BLVRA: variants seen among roughly 807,000 people sequenced by gnomAD.
The protein encoded by BLVRA is BVR A.
Under a neutral mutation model 32.8 loss-of-function variants are expected in BLVRA, and 22 were observed. The observed-to-expected ratio is 0.67, with a 90% CI of 0.48 to 0.96. The LOEUF is 0.96. Ranked by LOEUF, BLVRA falls within the 40% of genes least tolerant of loss-of-function variation. BLVRA has a pLI of 0.00. For missense variants in BLVRA, 323 were observed against 358.1 expected, an observed-to-expected ratio of 0.90 and a Z score of 0.79; for synonymous variants, 119 against 141.3, an observed-to-expected ratio of 0.84 and a Z score of 1.12.
At chr7:43,801,985 T>A (rs2095799189) in intron 6 of BLVRA, among the ~76,000 whole-genome samples, 1 of 150,546 alleles carries the variant, frequency 6.6e-6, no homozygotes, top group African/African-American at 2.4e-5. Flanking sequence ...AAAAAAAAAA[T>A]ACAAAAATTA....
chr7:43,788,136 C>T, intron 3 of BLVRA, 111 bp downstream of exon 3: 4 of 1,571,150 alleles, frequency 2.5e-6, no homozygotes, highest in Non-Finnish European at 3.5e-6. Flanking sequence ...CATCTCCCAA[C>T]TGAGAACTGT....
chr7:43,778,756 G>T (rs2095764798), intron 2 of BLVRA, among the ~76,000 whole-genome samples: 1 of 152,260 alleles, frequency 6.6e-6, no homozygotes. Flanking sequence ...TGCCCCCAGA[G>T]GTGGAGCCTA....
At chr7:43,768,087 G>C (rs1025602364) in intron 1 of BLVRA, among the ~76,000 whole-genome samples, 6 of 152,256 alleles carry the variant, frequency 3.9e-5, no homozygotes, top group African/African-American at 1.4e-4. Flanking sequence ...AACACACTCT[G>C]GCAAACATTT....
intron 7 of BLVRA, among the ~76,000 whole-genome samples, 153 bp from the exon 8 acceptor site, chr7:43,806,824 G>A (rs1486752380): frequency 1.3e-5 from 2 of 152,200 alleles, no homozygotes; most frequent in Non-Finnish European, 2.9e-5. Context: ...CTGTGAGGTT[G>A]ACACAGTCAC....
At chr7:43,778,913 G>C (rs1051246579) in intron 2 of BLVRA, among the ~76,000 whole-genome samples, 2 of 152,236 alleles carry the variant, frequency 1.3e-5, no homozygotes, top group African/African-American at 4.8e-5. Flanking sequence ...TCAGACTGCT[G>C]TGCTAGCAAT....
At chr7:43,800,407 G>T in intron 5 of BLVRA, 58 bp from the exon 6 acceptor site, 1 of 1,482,874 alleles carries the variant, frequency 6.7e-7, no homozygotes, top group Non-Finnish European at 9.4e-7. Flanking sequence ...TACCCTCTGG[G>T]ATGCACACCT....
chr7:43,788,117 A>C, intron 3 of BLVRA, 92 bp downstream of exon 3: 1 of 1,599,810 alleles, frequency 6.3e-7, no homozygotes, highest in South Asian at 1.1e-5. Context: ...GACCCAGGGC[A>C]GGGAGAGCCA....
In BLVRA at chr7:43,803,706, T is replaced by A. The variant is rs1178441471; in HGVS notation, c.491T>A (p.Phe164Tyr). Residue 164 changes from phenylalanine to tyrosine, a missense_variant, in exon 7 of 8, where the codon TTC becomes TAC. Physicochemically the swap from Phe to Tyr is conservative, Grantham distance 22. Transcript: ENST00000265523. ...AGPLEEERFGFPAFSGISRLT... is the reference protein window; with the variant it reads ...AGPLEEERFGYPAFSGISRLT... ...CCGTTGGAAGAAGAGCGGTTTGGCTTCCCTGCATTCAGCGGCATCTCTCGC... is the reference window on the plus strand; with the variant it reads ...CCGTTGGAAGAAGAGCGGTTTGGCTACCCTGCATTCAGCGGCATCTCTCGC... 5 of 1,613,972 alleles carry A rather than the reference T, an allele frequency of 3.1e-6. No individual in the cohort carries two copies.
chr7:43,790,682 T>C (rs1268246306), intron 3 of BLVRA, among the ~76,000 whole-genome samples: 1 of 152,174 alleles, frequency 6.6e-6, no homozygotes, highest in Non-Finnish European at 1.5e-5. Context: ...ATTTTTATGT[T>C]ATTTTATTTT....
intron 2 of BLVRA, among the ~76,000 whole-genome samples, chr7:43,780,841 TACCTTCTAA>T (rs1330885447): frequency 1.3e-5 from 2 of 152,270 alleles, no homozygotes; most frequent in African/African-American, 4.8e-5. Context: ...TTTGTGCAAA[TACCTTCTAA>T]ATTTATATAC....
intron 2 of BLVRA, among the ~76,000 whole-genome samples, chr7:43,786,227 T>C (rs1336951312): frequency 6.6e-6 from 1 of 152,062 alleles, no homozygotes; most frequent in Non-Finnish European, 1.5e-5. Context: ...CAACAGAAAT[T>C]GGGAATGGAT....
intron 5 of BLVRA, among the ~76,000 whole-genome samples, chr7:43,794,383 T>A (rs2095789535): frequency 6.6e-6 from 1 of 152,218 alleles, no homozygotes; most frequent in Admixed American, 6.5e-5. Flanking sequence ...TATTGCTCTC[T>A]GGTAAAGGTA....
intron 2 of BLVRA, among the ~76,000 whole-genome samples, chr7:43,780,953 C>T (rs1391006238): frequency 1.3e-5 from 2 of 152,226 alleles, no homozygotes; most frequent in East Asian, 3.9e-4. Flanking sequence ...TTGATACCAG[C>T]CTGGCCAACA....
intron 5 of BLVRA, 85 bp from the exon 6 acceptor site, chr7:43,800,380 G>T (rs1483587766): frequency 2.3e-6 from 3 of 1,303,104 alleles, no homozygotes; most frequent in Non-Finnish European, 3.3e-6. Context: ...CATGTCTTGT[G>T]TTAGGGGATG....
chr7:43,762,247 G>A (rs957046758), intron 1 of BLVRA, among the ~76,000 whole-genome samples: 2 of 151,948 alleles, frequency 1.3e-5, no homozygotes, highest in Non-Finnish European at 2.9e-5. Context: ...GGGGTAGGAA[G>A]GTGTCCTGTG....
intron 2 of BLVRA, among the ~76,000 whole-genome samples, chr7:43,773,669 G>A (rs2095757206): frequency 6.6e-6 from 1 of 152,186 alleles, no homozygotes; most frequent in South Asian, 2.1e-4. Context: ...TGGGATGGCT[G>A]GGTCAAATGG....
chr7:43,806,979 C>T lies in BLVRA; in HGVS notation c.635C>T (p.Pro212Leu), dbSNP rs762648231. 2 of 1,613,680 alleles carry T rather than the reference C, an allele frequency of 1.2e-6. No individual in the cohort carries two copies. Among genetic ancestry groups the T allele is most frequent in the Non-Finnish European group, 8.5e-7 (1 of 1,180,000 alleles). Residue 212 changes from proline (P) to leucine (L), a missense_variant and splice_region_variant, in exon 8 of 8, where the codon CCA (proline) becomes CTA (leucine). By Grantham distance (98) the Pro-to-Leu change is moderately conservative. Transcript: ENST00000265523. The part of the protein sequence containing the change: ...TVCLETEKKS[P>L]LSWIEEKGPG... ...TCTTTTGTCTTTTGTCTTTGCAGTC[C>T]ACTGTCATGGATTGAAGAAAAAGGA...
At chr7:43,783,109 A>C (rs751913456) in intron 2 of BLVRA, among the ~76,000 whole-genome samples, 2 of 152,118 alleles carry the variant, frequency 1.3e-5, no homozygotes, top group Non-Finnish European at 2.9e-5. Flanking sequence ...GCCCTCTGAT[A>C]TTTATGTCTG....
intron 5 of BLVRA, among the ~76,000 whole-genome samples, chr7:43,799,324 G>A (rs1310431302): frequency 1.3e-5 from 2 of 152,144 alleles, no homozygotes; most frequent in Non-Finnish European, 2.9e-5. Flanking sequence ...GTCTGTTTCA[G>A]TGAAACTGTA....
Sources: gnomAD v4.1 joint callset for allele counts (sites outside exome capture counted in the v4.1 genomes callset) on GRCh38, gnomAD v4.1.1 for gene constraint, MANE v1.5 for transcripts, NCBI Gene and HGNC (gene_info 2026-07-23, HGNC 2026-07-21) for gene names.